The following SMOC1 variants were observed in gnomAD, a reference collection of about 807,000 sequenced individuals.
SMOC1 encodes SPARC-related modular calcium-binding protein 1.
Under a neutral mutation model 56.3 loss-of-function variants are expected in SMOC1, and 22 were observed. The observed-to-expected ratio is 0.39, with a 90% confidence interval of 0.28 to 0.56. SMOC1 has a LOEUF of 0.56. SMOC1 is among the 20% of genes least tolerant of loss of function. The pLI is 0.61. For missense variants in SMOC1, 509 were observed against 565.4 expected (o/e 0.90, Z 1.01); for synonymous variants, 193 against 215.0 (o/e 0.90, Z 0.89).
chr14:69,940,596 A>G (rs577806900), intron 1 of SMOC1, among the ~76,000 whole-genome samples: 24 of 151,656 alleles, frequency 1.6e-4, no homozygotes, highest in Admixed American at 1.3e-3. Flanking sequence ...TTAGAACCAA[A>G]CAGGCATGAA....
chr14:69,990,927 AC>A (rs1474166322), intron 5 of SMOC1, among the ~76,000 whole-genome samples: 1 of 151,440 alleles, frequency 6.6e-6, no homozygotes, highest in African/African-American at 2.4e-5. Context: ...TCAGCCTCTA[AC>A]AAGGGTTAGA....
intron 5 of SMOC1, among the ~76,000 whole-genome samples, chr14:69,982,785 G>T (rs935784194): frequency 6.6e-6 from 1 of 152,204 alleles, no homozygotes; most frequent in African/African-American, 2.4e-5. Flanking sequence ...CCATCAGGTG[G>T]GCTGGGCTGG....
Position 69,959,014 on chromosome 14 carries a change from A to C in SMOC1, c.378+5482A>C, listed in dbSNP as rs1189000151. 2.6e-5 allele frequency among the ~76,000 whole-genome samples: 4 copies of C among 152,344 alleles called. No homozygotes were observed. The East Asian group carries it at 7.7e-4, about 29-fold the overall frequency. ...AATTCTGACAATATGGAAGTATATAAGGTAGAAAGATTAAGCCAGTGATTT... is the reference window on the plus strand; with the variant it reads ...AATTCTGACAATATGGAAGTATATACGGTAGAAAGATTAAGCCAGTGATTT... On this transcript the variant is annotated intron_variant, in intron 3 of 11. Coordinates refer to ENST00000361956, the MANE Select transcript of SMOC1 (RefSeq NM_001034852.3).
chr14:69,914,957 C>G (rs1884647829), intron 1 of SMOC1, among the ~76,000 whole-genome samples: 1 of 152,144 alleles, frequency 6.6e-6, no homozygotes. Context: ...ACCTCCGCCT[C>G]CTGGGTTCAA....
At chr14:69,911,534 C>T (rs1884556142) in intron 1 of SMOC1, among the ~76,000 whole-genome samples, 1 of 152,154 alleles carries the variant, frequency 6.6e-6, no homozygotes, top group Non-Finnish European at 1.5e-5. Context: ...TACCTTAACC[C>T]CTGACAACCA....
rs548398774 is a variant in SMOC1 at position 69,923,822 on chromosome 14, A to G, written c.100-28316A>G. 9.2e-5 allele frequency among the ~76,000 whole-genome samples: 14 copies of G among 152,256 alleles called. No homozygotes were observed. The East Asian group carries it at 2.7e-3, about 29-fold the overall frequency. On this transcript the variant is annotated intron_variant, in intron 1 of 11. Transcript: ENST00000361956. ...CCTCAATCAATCCTACGTAGGAGGG[A>G]GGCAGAATAGGGCAGGAGAAGAGGC...
chr14:69,891,594 A>G (rs1472994771), intron 1 of SMOC1, among the ~76,000 whole-genome samples: 3 of 151,368 alleles, frequency 2.0e-5, no homozygotes, highest in Non-Finnish European at 4.4e-5. Context: ...TCTCCCTCCT[A>G]CCCTCCTCAG....
chr14:69,930,144 C>T (rs1462136529), intron 1 of SMOC1, among the ~76,000 whole-genome samples: 1 of 130,922 alleles, frequency 7.6e-6, no homozygotes, highest in African/African-American at 4.0e-5. Context: ...TCTGCCCTCA[C>T]CCCTTTCATC....
chr14:69,900,729 G>C (rs1024092713), intron 1 of SMOC1, among the ~76,000 whole-genome samples: 1 of 152,156 alleles, frequency 6.6e-6, no homozygotes, highest in Non-Finnish European at 1.5e-5. Flanking sequence ...ACACCCAAAG[G>C]CTCTCCTGTT....
chr14:69,919,928 C>A (rs1489240730), intron 1 of SMOC1, among the ~76,000 whole-genome samples: 2 of 139,056 alleles, frequency 1.4e-5, no homozygotes, highest in Non-Finnish European at 3.1e-5. Context: ...CCCCCTTTCT[C>A]CCCTGGAGTA....
chr14:70,013,765 G>A (rs574195188), intron 10 of SMOC1, among the ~76,000 whole-genome samples: 2 of 152,316 alleles, frequency 1.3e-5, no homozygotes, highest in East Asian at 3.9e-4. Flanking sequence ...ACTTCCAGCT[G>A]TTTAATCTCA....
At chr14:69,945,038 A>G (rs1882730632) in intron 1 of SMOC1, among the ~76,000 whole-genome samples, 1 of 152,230 alleles carries the variant, frequency 6.6e-6, no homozygotes, top group Non-Finnish European at 1.5e-5. Context: ...GTAGTTGGAC[A>G]AAGAATATTT....
intron 3 of SMOC1, among the ~76,000 whole-genome samples, chr14:69,970,637 A>G (rs895361843): frequency 5.3e-5 from 8 of 152,186 alleles, no homozygotes; most frequent in African/African-American, 1.9e-4. Flanking sequence ...TTTGCGTTGG[A>G]CATGGCACCT....
At chr14:69,931,102 C>T (rs936806193) in intron 1 of SMOC1, among the ~76,000 whole-genome samples, 4 of 152,318 alleles carry the variant, frequency 2.6e-5, no homozygotes, top group East Asian at 1.9e-4. Flanking sequence ...CAAGCTTCCA[C>T]GGGTTCTTTC....
chr14:70,006,551 T>C (rs1885153990), intron 7 of SMOC1, among the ~76,000 whole-genome samples: 1 of 152,282 alleles, frequency 6.6e-6, no homozygotes, highest in Non-Finnish European at 1.5e-5. Context: ...ACAGGGTAAA[T>C]TGATGAATAG....
At chr14:69,890,708 T>G (rs1269200946) in intron 1 of SMOC1, among the ~76,000 whole-genome samples, 1 of 152,196 alleles carries the variant, frequency 6.6e-6, no homozygotes, top group Non-Finnish European at 1.5e-5. Flanking sequence ...TCAGCATACT[T>G]TGAGCTCAGA....
chr14:69,896,646 TA>T (rs1884106745), intron 1 of SMOC1, among the ~76,000 whole-genome samples: 1 of 152,218 alleles, frequency 6.6e-6, no homozygotes, highest in African/African-American at 2.4e-5. Flanking sequence ...CTTTTGTTTA[TA>T]AATAAAGCTC....
rs371579705 is a variant in SMOC1, at chr14:69,974,292, A to C, written c.379-1423A>C. 1.2e-4 allele frequency among the ~76,000 whole-genome samples: 18 copies of C among 152,078 alleles called. No individual in the cohort carries two copies. The East Asian group carries it at 3.5e-3, about 29-fold the overall frequency. The stretch of plus-strand genomic sequence containing the variant: ...GAGGATCAGAGGAAGGAGGCAGGGG[A>C]GGCTGGGACTGCTTTGAGGAGGTGT... On this transcript the variant is annotated intron_variant, in intron 3 of 11. Transcript: ENST00000361956.
At chr14:69,932,178 A>C (rs1469924113) in intron 1 of SMOC1, among the ~76,000 whole-genome samples, 1 of 152,244 alleles carries the variant, frequency 6.6e-6, no homozygotes, top group Non-Finnish European at 1.5e-5. Context: ...GTGTTTCGCA[A>C]AACACGAGTC....
Sources: gnomAD v4.1 joint callset for allele counts (sites outside exome capture counted in the v4.1 genomes callset) on GRCh38, gnomAD v4.1.1 for gene constraint, MANE v1.5 for transcripts, NCBI Gene and HGNC (gene_info 2026-07-23, HGNC 2026-07-21) for gene names.